The following TAFA5 variants were observed in gnomAD, a reference collection of about 807,000 sequenced individuals.
The protein encoded by TAFA5 is TAFA chemokine like family member 5.
A neutral mutation model predicts 15.3 loss-of-function variants in TAFA5; 6 were observed. The ratio of observed to expected loss-of-function variants is 0.39; its 90% CI spans 0.21 to 0.77. The LOEUF (loss-of-function observed/expected upper bound fraction) is 0.77, where lower values mean the gene tolerates loss of function less well. TAFA5 is among the 30% of genes least tolerant of loss of function. The pLI, the probability that TAFA5 is intolerant of heterozygous loss-of-function variation, is 0.41. For synonymous variants in TAFA5, 103 were observed against 80.7 expected (o/e 1.28, Z -1.48); for missense variants, 161 against 193.1 (o/e 0.83, Z 0.98).
At chr22:48,567,858 G>C (rs1923459925) in intron 1 of TAFA5, among the ~76,000 whole-genome samples, 1 of 152,186 alleles carries the variant, frequency 6.6e-6, no homozygotes, top group Non-Finnish European at 1.5e-5. Context: ...GGCATCCCTG[G>C]CTGAGGCTCA....
rs1419463400 is a variant in TAFA5 at position 48,530,362 on chromosome 22, C to T, written c.112+40658C>T. Among the ~76,000 whole-genome samples, 1 of 152,162 alleles carries T rather than the reference C, an allele frequency of 6.6e-6. No homozygotes were observed. Among genetic ancestry groups the T allele is most frequent in the Admixed American group, 6.5e-5 (1 of 15,278 alleles). ...AGGAACCTCTGGAGGGCACAGGGGC[C>T]ATCACCTGCTGGAGCCCAGAGAAGG... On this transcript the variant is annotated intron_variant, in intron 1 of 3. Transcript: ENST00000402357. This position sits in a 1 kb window ranked among gnomAD's most constrained non-coding sequence, Gnocchi z 6.0.
intron 1 of TAFA5, among the ~76,000 whole-genome samples, chr22:48,521,775 A>G (rs1365223102): frequency 1.3e-5 from 2 of 152,162 alleles, no homozygotes; most frequent in Non-Finnish European, 2.9e-5. Flanking sequence ...TTGTCATTAA[A>G]GCATCGTGCT....
intron 1 of TAFA5, among the ~76,000 whole-genome samples, chr22:48,564,184 C>T (rs2147134166): frequency 6.6e-6 from 1 of 152,292 alleles, no homozygotes; most frequent in Middle Eastern, 3.4e-3. Context: ...GGAAGACAAC[C>T]AATGAGAATG....
At position 48,713,852 on chromosome 22, in the gene TAFA5, G is replaced by A. The variant is rs146508013; in HGVS notation, c.390+6008G>A. 9.4e-3 allele frequency among the ~76,000 whole-genome samples: 1,435 copies of A among 152,322 alleles called. 10 individuals are homozygous for A. The highest frequency in any genetic ancestry group is 0.027 in the Middle Eastern group (8 of 294). ...ATCTGTGCGGTAGCAAGCTCAAACC[G>A]TGAGGTCTCTTCGTTCTCGGATTCT... On this transcript the variant is annotated intron_variant, in intron 3 of 3. Coordinates refer to ENST00000402357, the MANE Select transcript of TAFA5 (RefSeq NM_001082967.3).
intron 2 of TAFA5, among the ~76,000 whole-genome samples, chr22:48,680,526 G>A (rs1461088733): frequency 6.6e-6 from 1 of 152,196 alleles, no homozygotes; most frequent in Non-Finnish European, 1.5e-5. Flanking sequence ...AGAAAGGGAA[G>A]TGGGCACCCA....
intron 1 of TAFA5, among the ~76,000 whole-genome samples, chr22:48,535,861 G>A (rs115705178): frequency 0.019 from 2,869 of 151,824 alleles, 78 homozygotes; most frequent in African/African-American, 0.061. Flanking sequence ...CGGTCACACC[G>A]GCACATGTAT....
chr22:48,739,657 G>A (rs1175134334), intron 3 of TAFA5, among the ~76,000 whole-genome samples: 44 of 152,080 alleles, frequency 2.9e-4, no homozygotes, highest in Admixed American at 2.1e-3. Context: ...ACTGATCTTC[G>A]AGCTCGCTGC....
intron 1 of TAFA5, among the ~76,000 whole-genome samples, chr22:48,538,004 G>A (rs1922230518): frequency 6.6e-6 from 1 of 152,372 alleles, no homozygotes; most frequent in East Asian, 1.9e-4. Context: ...TCTGTCACCA[G>A]CGCACGGTCA....
At chr22:48,674,698 C>T (rs570963591) in intron 2 of TAFA5, among the ~76,000 whole-genome samples, 8 of 152,218 alleles carry the variant, frequency 5.3e-5, no homozygotes, top group Admixed American at 2.0e-4. Context: ...AAGGAGCCCT[C>T]GTTCAGGGAG....
intron 1 of TAFA5, among the ~76,000 whole-genome samples, chr22:48,498,339 T>C (rs1015396093): frequency 6.6e-6 from 1 of 151,952 alleles, no homozygotes; most frequent in African/African-American, 2.4e-5. Flanking sequence ...GGGGTGGGGC[T>C]GAAGAGGCAG....
At chr22:48,677,238 G>T (rs376305100) in intron 2 of TAFA5, among the ~76,000 whole-genome samples, 4 of 152,258 alleles carry the variant, frequency 2.6e-5, no homozygotes, top group Non-Finnish European at 5.9e-5. Context: ...TGCTGTCAGG[G>T]CAGGATCTGC....
rs553751828 is a variant in TAFA5, at chr22:48,583,007, A to C, written c.113-63590A>C. The stretch of plus-strand genomic sequence containing the variant: ...ACCACACACAAAATAAACCACACAC[A>C]AAATACACCACACACCACATGCAAA... On this transcript the variant is annotated intron_variant, in intron 1 of 3. Coordinates refer to ENST00000402357, the MANE Select transcript of TAFA5 (RefSeq NM_001082967.3). Among the ~76,000 whole-genome samples the C allele has an allele frequency of 2.0e-5, 3 of 147,636 alleles. No homozygotes were observed. The East Asian group carries it at 6.0e-4, about 30-fold the overall frequency.
At chr22:48,692,700 G>A (rs1928579501) in intron 2 of TAFA5, among the ~76,000 whole-genome samples, 1 of 152,250 alleles carries the variant, frequency 6.6e-6, no homozygotes, top group South Asian at 2.1e-4. Context: ...ACTCCGCAGA[G>A]CTCTCCAGCA....
chr22:48,630,242 C>G (rs959959435), intron 1 of TAFA5, among the ~76,000 whole-genome samples: 4 of 152,142 alleles, frequency 2.6e-5, no homozygotes, highest in Non-Finnish European at 4.4e-5. Context: ...CTGGGCATCT[C>G]TGGTTGGAGG....
intron 2 of TAFA5, among the ~76,000 whole-genome samples, chr22:48,656,610 T>G (rs1157130845): frequency 6.7e-6 from 1 of 149,554 alleles, no homozygotes; most frequent in Non-Finnish European, 1.5e-5. Context: ...GTAAACAATA[T>G]CTACATCAAG....
chr22:48,512,606 A>G (rs1921255548), intron 1 of TAFA5, among the ~76,000 whole-genome samples: 1 of 151,222 alleles, frequency 6.6e-6, no homozygotes, highest in African/African-American at 2.4e-5. Context: ...AGCCTGGGTG[A>G]TAGAGCGAGA....
At chr22:48,670,209 T>C (rs1041539761) in intron 2 of TAFA5, among the ~76,000 whole-genome samples, 2 of 152,258 alleles carry the variant, frequency 1.3e-5, no homozygotes, top group Non-Finnish European at 2.9e-5. Context: ...CTAATGGCCC[T>C]GTGCGCCTTG....
At chr22:48,631,513 G>A (rs1926226290) in intron 1 of TAFA5, among the ~76,000 whole-genome samples, 1 of 152,242 alleles carries the variant, frequency 6.6e-6, no homozygotes, top group Non-Finnish European at 1.5e-5. Flanking sequence ...CACGACTGCT[G>A]TGAGTGTCCC....
intron 1 of TAFA5, among the ~76,000 whole-genome samples, chr22:48,521,201 C>G (rs1352787311): frequency 6.6e-6 from 1 of 152,130 alleles, no homozygotes; most frequent in Non-Finnish European, 1.5e-5. Flanking sequence ...ATTTACCCAG[C>G]AGGACATTGC....
Sources: gnomAD v4.1 joint callset for allele counts (sites outside exome capture counted in the v4.1 genomes callset) on GRCh38, gnomAD v4.1.1 for gene constraint, Gnocchi (gnomAD v3.1) non-coding constraint, MANE v1.5 for transcripts, NCBI Gene and HGNC (gene_info 2026-07-23, HGNC 2026-07-21) for gene names.